SORCS2: variants seen among roughly 807,000 people sequenced by gnomAD.
SORCS2 encodes VPS10 domain-containing receptor SorCS2.
A neutral mutation model predicts 141.6 loss-of-function variants in SORCS2; 100 were observed. The observed-to-expected ratio is 0.71, with a 90% confidence interval of 0.60 to 0.83. SORCS2 has a LOEUF of 0.83. Among genes scored for constraint, SORCS2 ranks in the 40% least tolerant of loss-of-function variants. The pLI, the probability that SORCS2 is intolerant of heterozygous loss-of-function variation, is 0.00. For synonymous variants in SORCS2, 789 were observed against 676.9 expected, an observed-to-expected ratio of 1.17 and a Z score of -2.57; for missense variants, 1,646 against 1,560.2, an observed-to-expected ratio of 1.05 and a Z score of -0.93.
intron 3 of SORCS2, among the ~76,000 whole-genome samples, chr4:7,559,678 C>T (rs1403707018): frequency 6.6e-6 from 1 of 152,202 alleles, no homozygotes; most frequent in Non-Finnish European, 1.5e-5. Flanking sequence ...TGCACCTGCC[C>T]ACTGTGCCAT....
chr4:7,220,387 C>A (rs1728634230), intron 1 of SORCS2, among the ~76,000 whole-genome samples: 1 of 152,126 alleles, frequency 6.6e-6, no homozygotes, highest in African/African-American at 2.4e-5. Flanking sequence ...CTTCTCTGCA[C>A]CCCACTACTG....
chr4:7,464,862 G>T (rs894305748), intron 2 of SORCS2, among the ~76,000 whole-genome samples: 2 of 152,230 alleles, frequency 1.3e-5, no homozygotes, highest in Non-Finnish European at 2.9e-5. Context: ...ATGGGGAATG[G>T]GAGAGGTGGG....
intron 3 of SORCS2, among the ~76,000 whole-genome samples, chr4:7,604,480 G>C (rs994916735): frequency 2.0e-5 from 3 of 152,166 alleles, no homozygotes; most frequent in Admixed American, 1.3e-4. Flanking sequence ...ACCACGCACG[G>C]CTCATTTTTT....
chr4:7,311,222 T>A (rs957142445), intron 1 of SORCS2, among the ~76,000 whole-genome samples: 7 of 152,216 alleles, frequency 4.6e-5, no homozygotes, highest in African/African-American at 1.7e-4. Flanking sequence ...ATCGCTGTTT[T>A]CAGATTCAGA....
intron 1 of SORCS2, among the ~76,000 whole-genome samples, chr4:7,390,211 G>C (rs1239203613): frequency 1.3e-5 from 2 of 152,198 alleles, no homozygotes; most frequent in African/African-American, 4.8e-5. Context: ...AGTTCTTGCA[G>C]TCTTTTAGTA....
chr4:7,200,480 G>A (rs893915317), intron 1 of SORCS2, among the ~76,000 whole-genome samples: 3 of 152,166 alleles, frequency 2.0e-5, no homozygotes, highest in Non-Finnish European at 2.9e-5. Flanking sequence ...TAAGGTGAGC[G>A]TCAGGACCAG....
intron 2 of SORCS2, among the ~76,000 whole-genome samples, chr4:7,518,432 A>C (rs369508763): frequency 2.6e-5 from 4 of 152,066 alleles, no homozygotes; most frequent in South Asian, 2.1e-4. Context: ...AGTCCTCTCC[A>C]CAGAAGGCAG....
intron 1 of SORCS2, among the ~76,000 whole-genome samples, chr4:7,273,955 C>T (rs940460368): frequency 1.2e-4 from 18 of 152,212 alleles, no homozygotes; most frequent in African/African-American, 4.3e-4. Context: ...ACAATGTGGC[C>T]TCCGCACATC....
intron 1 of SORCS2, among the ~76,000 whole-genome samples, chr4:7,235,263 C>T (rs940220837): frequency 2.6e-5 from 4 of 152,210 alleles, no homozygotes; most frequent in African/African-American, 7.2e-5. Flanking sequence ...CTGCTGCCCG[C>T]GCCAGGCTCA....
In SORCS2 at chr4:7,740,178, C is replaced by T. The variant is rs143240010; in HGVS notation, c.3416-22C>T. 3.8e-6 allele frequency: 6 copies of T among 1,599,950 alleles called. No homozygotes were observed. The East Asian group carries it at 1.3e-4, about 36-fold the overall frequency. On this transcript the variant is annotated intron_variant, in intron 26 of 26. Coordinates refer to ENST00000507866, the MANE Select transcript of SORCS2 (RefSeq NM_020777.3). The stretch of plus-strand genomic sequence containing the variant: ...AGTCCCGGGCTTGTGCTCACGGGAC[C>T]TGCGTCTCTTCTGTTTCCTAGGCAA...
At chr4:7,490,605 C>T (rs73212573) in intron 2 of SORCS2, among the ~76,000 whole-genome samples, 1,704 of 152,250 alleles carry the variant, frequency 0.011, 9 homozygotes, top group Non-Finnish European at 0.017. Flanking sequence ...GGCAGACATG[C>T]AGAGAAAACA....
chr4:7,441,609 C>A (rs371033518), intron 2 of SORCS2, among the ~76,000 whole-genome samples: 1 of 151,846 alleles, frequency 6.6e-6, no homozygotes, highest in Non-Finnish European at 1.5e-5. Flanking sequence ...CAGCCCAGAT[C>A]ATCATCCACC....
At position 7,733,310 on chromosome 4, in the gene SORCS2, CTG is replaced by C; in HGVS notation, c.3109-9_3109-8del. The C allele has an allele frequency of 6.5e-7, 1 of 1,545,560 alleles. No individual in the cohort carries two copies. The highest frequency in any genetic ancestry group is 1.7e-4 in the Middle Eastern group (1 of 5,902). ...ATGGAGGCCTCACTCACTGTCCCCT[CTG>C]TGCTTGCAGAGGCTCGCCGCCATCC... On this transcript the variant is annotated splice_polypyrimidine_tract_variant and intron_variant, in intron 23 of 26. Coordinates refer to ENST00000507866, the MANE Select transcript of SORCS2 (RefSeq NM_020777.3).
At chr4:7,420,164 A>G (rs1264720253) in intron 2 of SORCS2, among the ~76,000 whole-genome samples, 1 of 152,174 alleles carries the variant, frequency 6.6e-6, no homozygotes, top group African/African-American at 2.4e-5. Flanking sequence ...GTAGTCCACA[A>G]TGTGCCTGGG....
chr4:7,675,450 C>T (rs576257276), intron 8 of SORCS2, among the ~76,000 whole-genome samples: 8 of 152,312 alleles, frequency 5.3e-5, no homozygotes, highest in Non-Finnish European at 7.4e-5. Context: ...GGGATATTGT[C>T]CCCAGACAAT....
chr4:7,254,113 G>C (rs1713691885), intron 1 of SORCS2, among the ~76,000 whole-genome samples: 1 of 152,218 alleles, frequency 6.6e-6, no homozygotes, highest in African/African-American at 2.4e-5. Context: ...AAAACAGTAT[G>C]GGGATTTCTC....
intron 2 of SORCS2, among the ~76,000 whole-genome samples, chr4:7,413,259 G>A (rs1725442655): frequency 6.6e-6 from 1 of 151,930 alleles, no homozygotes; most frequent in Admixed American, 6.6e-5. Flanking sequence ...CATGAGATTC[G>A]AACTATTCAT....
At chr4:7,341,905 G>A (rs915943183) in intron 1 of SORCS2, among the ~76,000 whole-genome samples, 3 of 152,098 alleles carry the variant, frequency 2.0e-5, no homozygotes, top group South Asian at 2.1e-4. Flanking sequence ...CTGTCTCTAC[G>A]GGTTTGCCTG....
intron 20 of SORCS2, 113 bp from the exon 21 acceptor site, chr4:7,726,667 G>C: frequency 2.1e-6 from 3 of 1,401,366 alleles, no homozygotes; most frequent in African/African-American, 1.4e-5. Flanking sequence ...CCCATTTGCT[G>C]ATGGGAACAA....
Sources: gnomAD v4.1 joint callset for allele counts (sites outside exome capture counted in the v4.1 genomes callset) on GRCh38, gnomAD v4.1.1 for gene constraint, MANE v1.5 for transcripts, NCBI Gene and HGNC (gene_info 2026-07-23, HGNC 2026-07-21) for gene names.